The following S100A16 variants were observed in gnomAD, a reference collection of about 807,000 sequenced individuals.
S100A16 encodes protein S100-A16.
S100A16 carries 8 observed loss-of-function variants against 9.0 expected under a neutral mutation model. The observed-to-expected ratio is 0.89, with a 90% confidence interval of 0.52 to 1.60. S100A16 has a LOEUF of 1.60. S100A16 is among the 40% of genes most tolerant of loss of function. S100A16 has a pLI of 0.00. For missense variants in S100A16, 138 were observed against 132.4 expected (o/e 1.04, Z -0.21); for synonymous variants, 51 against 51.4 (o/e 0.99, Z 0.04).
intron 1 of S100A16, among the ~76,000 whole-genome samples, chr1:153,611,981 C>T (rs1666846862): frequency 6.6e-6 from 1 of 151,036 alleles, no homozygotes; most frequent in Non-Finnish European, 1.5e-5. Flanking sequence ...ATTCCTGATC[C>T]CCTCTGCTTG....
Position 153,607,527 on chromosome 1 carries a change from G to A in S100A16, c.*7C>T, listed in dbSNP as rs1164842225. 2 of 1,614,058 alleles carry A rather than the reference G, an allele frequency of 1.2e-6. No individual in the cohort carries two copies. Among genetic ancestry groups the A allele is most frequent in the African/African-American group, 1.3e-5 (1 of 75,040 alleles). Reference sequence around the variant, plus strand: ...CCAGTGCCTGGAAGGTGTGGCCAAAGGGGTCTCTAGCTGCTGCTCTGCTGC... The same window carrying A: ...CCAGTGCCTGGAAGGTGTGGCCAAAAGGGTCTCTAGCTGCTGCTCTGCTGC... On this transcript the variant is annotated 3_prime_UTR_variant, in exon 3 of 3. Transcript: ENST00000368706.
At chr1:153,607,738 A>G in intron 2 of S100A16, 46 bp from the exon 3 acceptor site, 1 of 1,610,634 alleles carries the variant, frequency 6.2e-7, no homozygotes. Context: ...GAAGCCCCAG[A>G]GAGACTCCAG....
intron 1 of S100A16, among the ~76,000 whole-genome samples, chr1:153,610,039 T>G (rs1172985664): frequency 6.6e-6 from 1 of 152,228 alleles, no homozygotes; most frequent in Non-Finnish European, 1.5e-5. Context: ...TTTAAGTGTG[T>G]AACTGCGTGG....
At chr1:153,610,324 G>A (rs1188930437) in intron 1 of S100A16, among the ~76,000 whole-genome samples, 1 of 152,198 alleles carries the variant, frequency 6.6e-6, no homozygotes, top group East Asian at 1.9e-4. Context: ...CCCTAAATGA[G>A]GGATCTTGTG....
rs924082383 is a variant in S100A16, at chr1:153,607,532, C to A, written c.*2G>T. 1.9e-6 allele frequency: 3 copies of A among 1,614,084 alleles called. No individual in the cohort carries two copies. The highest frequency in any genetic ancestry group is 1.7e-6 in the Non-Finnish European group (2 of 1,180,006). On this transcript the variant is annotated 3_prime_UTR_variant, in exon 3 of 3. Transcript: ENST00000368706. ...GCCTGGAAGGTGTGGCCAAAGGGGTCTCTAGCTGCTGCTCTGCTGCTCCTG... is the reference window on the plus strand; with the variant it reads ...GCCTGGAAGGTGTGGCCAAAGGGGTATCTAGCTGCTGCTCTGCTGCTCCTG...
intron 2 of S100A16, 92 bp downstream of exon 2, chr1:153,607,907 G>T (rs1666732795): frequency 1.5e-6 from 2 of 1,351,850 alleles, no homozygotes; most frequent in East Asian, 2.3e-5. Flanking sequence ...GAAGGATAGA[G>T]GCCTCAGCAG....
rs368805765 is a variant in S100A16, at chr1:153,610,869, G to A, written c.-27+2083C>T. ...CCATTCCCCCACCAGCCAGGCCCCG[G>A]GTCTCCTGGTTCAGGGGTCGGGCAG... On this transcript the variant is annotated intron_variant, in intron 1 of 2. Coordinates refer to ENST00000368706, the MANE Select transcript of S100A16 (RefSeq NM_080388.3). Among the ~76,000 whole-genome samples, 5 of 151,444 alleles carry A rather than the reference G, an allele frequency of 3.3e-5. No individual in the cohort carries two copies. In the East Asian group the frequency reaches 5.9e-4, roughly 18 times the overall value.
chr1:153,611,048 C>A (rs1054790439), intron 1 of S100A16, among the ~76,000 whole-genome samples: 9 of 151,888 alleles, frequency 5.9e-5, no homozygotes, highest in African/African-American at 1.9e-4. Flanking sequence ...CTCCAATGGG[C>A]CCTCTCACCT....
In S100A16 at chr1:153,606,910, A is replaced by G. The variant is rs1451898800; in HGVS notation, c.*624T>C. 3.0e-5 allele frequency: 6 copies of G among 198,990 alleles called. No individual in the cohort carries two copies. The South Asian group carries it at 4.9e-4, about 16-fold the overall frequency. 12.3% of individuals were successfully genotyped at this position (198,990 alleles called of 1,614,324 possible). A position where few individuals can be genotyped will look rare whatever the true frequency, so the allele number is the denominator to read the frequency against. On this transcript the variant is annotated 3_prime_UTR_variant, in exon 3 of 3. Coordinates refer to ENST00000368706, the MANE Select transcript of S100A16 (RefSeq NM_080388.3). Reference sequence around the variant, plus strand: ...GTTTCCAAGGAGTGGGAAGGTTTTAATGAGCATCCCAGAGGGACCAGGGGA... The same window carrying G: ...GTTTCCAAGGAGTGGGAAGGTTTTAGTGAGCATCCCAGAGGGACCAGGGGA...
chr1:153,608,289 TGGA>T (rs1197664903), intron 1 of S100A16, 112 bp from the exon 2 acceptor site: 1 of 866,056 alleles, frequency 1.2e-6, no homozygotes, highest in East Asian at 2.6e-5. Context: ...TTCTGGTCCC[TGGA>T]GAAGAAGGTG....
chr1:153,611,605 A>C (rs1666836519), intron 1 of S100A16, among the ~76,000 whole-genome samples: 1 of 152,094 alleles, frequency 6.6e-6, no homozygotes, highest in Non-Finnish European at 1.5e-5. Context: ...TCATTCAATA[A>C]TGCATTCACT....
Position 153,607,604 on chromosome 1 carries a change from G to A in S100A16, c.242C>T (p.Thr81Ile). ...DGRISFDEYWTLIGGITGPIA... is the reference protein window; with the variant it reads ...DGRISFDEYWILIGGITGPIA... ...GGGGCCGGTGATGCCGCCTATCAAG[G>A]TCCAGTACTCATCGAAGCTGATGCG... The change falls in exon 3 of 3, where the codon ACC becomes ATC. Residue 81 changes from threonine to isoleucine, a missense_variant. Coordinates refer to ENST00000368706, the MANE Select transcript of S100A16 (RefSeq NM_080388.3). 1.9e-6 allele frequency: 3 copies of A among 1,614,222 alleles called. No homozygotes were observed. The highest frequency in any genetic ancestry group is 2.5e-6 in the Non-Finnish European group (3 of 1,180,032).
chr1:153,611,262 G>A (rs951684493), intron 1 of S100A16, among the ~76,000 whole-genome samples: 3 of 33,128 alleles, frequency 9.1e-5, no homozygotes, highest in South Asian at 1.1e-3. Flanking sequence ...TGGGCTCCAC[G>A]CCCTCCAAAT....
At chr1:153,611,856 G>GGTTGTGAGGTAAC (rs56366330) in intron 1 of S100A16, among the ~76,000 whole-genome samples, 3 of 150,712 alleles carry the variant, frequency 2.0e-5, no homozygotes, top group Non-Finnish European at 3.0e-5. Context: ...GGCCTGCTTG[G>GGTTGTGAGGTAAC]CCCTGCCTCA....
At chr1:153,611,766 G>T (rs11486185) in intron 1 of S100A16, among the ~76,000 whole-genome samples, 3,940 of 152,218 alleles carry the variant, frequency 0.026, 150 homozygotes, top group African/African-American at 0.091. Flanking sequence ...AGCCTCAGCT[G>T]TTCCATTCTC....
chr1:153,608,696 C>A (rs924445187), intron 1 of S100A16, among the ~76,000 whole-genome samples: 4 of 152,226 alleles, frequency 2.6e-5, no homozygotes, highest in Non-Finnish European at 5.9e-5. Flanking sequence ...TTCCCCAATC[C>A]CTTGCCGGGC....
At chr1:153,609,392 G>C in intron 1 of S100A16, 1 of 984,282 alleles carries the variant, frequency 1.0e-6, no homozygotes, top group Non-Finnish European at 1.2e-6. Context: ...AATCACTCTC[G>C]CCCCGCCCAA....
intron 1 of S100A16, among the ~76,000 whole-genome samples, chr1:153,612,541 C>A (rs573394649): frequency 6.6e-6 from 1 of 152,256 alleles, no homozygotes; most frequent in East Asian, 1.9e-4. Context: ...CCCATCACCT[C>A]CCCTAGGACA....
chr1:153,611,852 C>G (rs1666840163), intron 1 of S100A16, among the ~76,000 whole-genome samples: 1 of 90,504 alleles, frequency 1.1e-5, no homozygotes, highest in South Asian at 4.2e-4. Flanking sequence ...GTGGGGCCTG[C>G]TTGGCCCTGC....
Sources: gnomAD v4.1 joint callset for allele counts (sites outside exome capture counted in the v4.1 genomes callset) on GRCh38, gnomAD v4.1.1 for gene constraint, MANE v1.5 for transcripts, NCBI Gene and HGNC (gene_info 2026-07-23, HGNC 2026-07-21) for gene names.